CDC42BPA: variants seen among roughly 807,000 people sequenced by gnomAD.
CDC42BPA encodes serine/threonine-protein kinase MRCK alpha.
CDC42BPA carries 80 observed loss-of-function variants against 223.5 expected under a neutral mutation model. The observed-to-expected ratio is 0.36, with a 90% CI of 0.30 to 0.43. The LOEUF is 0.43. Ranked by LOEUF, CDC42BPA falls within the 20% of genes least tolerant of loss-of-function variation. The pLI, the probability that CDC42BPA is intolerant of heterozygous loss-of-function variation, is 1.00. For synonymous variants in CDC42BPA, 694 were observed against 718.6 expected (o/e 0.97, Z 0.55); for missense variants, 1,743 against 2,099.9 (o/e 0.83, Z 3.32).
At chr1:227,124,023 TAAATG>T (rs1689116674) in intron 11 of CDC42BPA, among the ~76,000 whole-genome samples, 1 of 152,098 alleles carries the variant, frequency 6.6e-6, no homozygotes, top group Admixed American at 6.5e-5. Flanking sequence ...ACAAAAATAT[TAAATG>T]AGGTATGAAT....
intron 1 of CDC42BPA, chr1:227,265,313 G>A: frequency 2.3e-6 from 1 of 444,110 alleles, no homozygotes; most frequent in Non-Finnish European, 4.2e-6. Context: ...TTCCCTACCT[G>A]TACAGGTACC....
At chr1:227,062,456 C>T (rs1442101991) in intron 21 of CDC42BPA, among the ~76,000 whole-genome samples, 2 of 152,144 alleles carry the variant, frequency 1.3e-5, no homozygotes, top group Non-Finnish European at 2.9e-5. Context: ...ATATTTCCCA[C>T]ATGGTGTTAT....
chr1:227,106,757 G>C (rs562059972), intron 14 of CDC42BPA, among the ~76,000 whole-genome samples: 1 of 152,240 alleles, frequency 6.6e-6, no homozygotes, highest in East Asian at 1.9e-4. Context: ...GTGTGATGCA[G>C]GTGACCAATT....
chr1:227,078,940 C>T (rs939720403), intron 17 of CDC42BPA, among the ~76,000 whole-genome samples: 14 of 152,028 alleles, frequency 9.2e-5, no homozygotes, highest in African/African-American at 1.4e-4. Flanking sequence ...TTAAGTATAA[C>T]GCAAACTTCC....
At chr1:227,238,364 C>CAAAT (rs1227987646) in intron 2 of CDC42BPA, among the ~76,000 whole-genome samples, 1 of 151,632 alleles carries the variant, frequency 6.6e-6, no homozygotes, top group Admixed American at 6.6e-5. Flanking sequence ...AACAAACAAA[C>CAAAT]AAACACGACA....
chr1:227,302,204 C>A (rs1234349528), intron 1 of CDC42BPA, among the ~76,000 whole-genome samples: 1 of 152,170 alleles, frequency 6.6e-6, no homozygotes, highest in African/African-American at 2.4e-5. Context: ...TTCATTCACT[C>A]CTTTACCTAG....
chr1:227,251,387 G>C (rs536161012), intron 2 of CDC42BPA, among the ~76,000 whole-genome samples: 2 of 152,170 alleles, frequency 1.3e-5, no homozygotes, highest in South Asian at 2.1e-4. Context: ...AGCAAGAAAT[G>C]AGAGAAAAAC....
At chr1:227,033,532 T>C in intron 26 of CDC42BPA, 117 bp from the exon 27 acceptor site, 1 of 635,132 alleles carries the variant, frequency 1.6e-6, no homozygotes, top group Non-Finnish European at 2.8e-6. Flanking sequence ...CCAAATTTAA[T>C]TTTTTAAAAA....
chr1:227,063,490 T>C (rs1676357338), intron 21 of CDC42BPA, among the ~76,000 whole-genome samples: 1 of 152,100 alleles, frequency 6.6e-6, no homozygotes, highest in African/African-American at 2.4e-5. Context: ...TCATGGTTCT[T>C]TCTCTTTAGA....
At chr1:227,000,333 G>A (rs1662556432) in intron 35 of CDC42BPA, among the ~76,000 whole-genome samples, 1 of 151,962 alleles carries the variant, frequency 6.6e-6, no homozygotes. Flanking sequence ...CTTAGATTAC[G>A]AGCTAATTGA....
chr1:227,271,414 T>C (rs1168999412), intron 1 of CDC42BPA, among the ~76,000 whole-genome samples: 2 of 152,130 alleles, frequency 1.3e-5, no homozygotes, highest in Non-Finnish European at 2.9e-5. Context: ...TGGCACATCA[T>C]TCCTATCATG....
chr1:227,145,091 C>T (rs576439572), intron 8 of CDC42BPA, among the ~76,000 whole-genome samples: 1 of 151,628 alleles, frequency 6.6e-6, no homozygotes, highest in Admixed American at 6.6e-5. Context: ...TATTTCTCTT[C>T]AATTGTTGTA....
chr1:227,284,962 C>A (rs1216101886), intron 1 of CDC42BPA, among the ~76,000 whole-genome samples: 54 of 130,238 alleles, frequency 4.1e-4, no homozygotes, highest in Middle Eastern at 4.1e-3. Context: ...GACCCCATCT[C>A]ACAAAAAAAA....
intron 23 of CDC42BPA, 111 bp from the exon 24 acceptor site, chr1:227,040,347 G>T: frequency 1.5e-6 from 1 of 648,156 alleles, no homozygotes; most frequent in South Asian, 1.9e-5. Flanking sequence ...GGAATAGAAT[G>T]AATTATTTCC....
intron 34 of CDC42BPA, among the ~76,000 whole-genome samples, chr1:227,011,613 A>G (rs961805615): frequency 2.6e-5 from 4 of 152,214 alleles, no homozygotes; most frequent in African/African-American, 9.6e-5. Context: ...TAAGCAGCCC[A>G]AGCTTATCTC....
Position 226,994,989 on chromosome 1 carries a change from C to T in CDC42BPA, c.4976-9G>A, listed in dbSNP as rs771030208. The T allele has an allele frequency of 7.5e-6, 12 of 1,608,414 alleles. No homozygotes were observed. Among genetic ancestry groups the T allele is most frequent in the Non-Finnish European group, 7.6e-6 (9 of 1,177,016 alleles). ...ATTCTGTGCGGATGACCCTACAGTACATCATGCAGGCAAAATTTTACATAT... is the reference window on the plus strand; with the variant it reads ...ATTCTGTGCGGATGACCCTACAGTATATCATGCAGGCAAAATTTTACATAT... On this transcript the variant is annotated splice_polypyrimidine_tract_variant and intron_variant, in intron 35 of 36. Coordinates refer to ENST00000366766, the MANE Select transcript of CDC42BPA (RefSeq NM_001394014.1). This position sits in a 1 kb window ranked among gnomAD's most constrained non-coding sequence, Gnocchi z 4.0.
rs145540185 is a variant in CDC42BPA at position 227,011,010 on chromosome 1, C to T, written c.4857+5070G>A. The T allele has an allele frequency of 9.0e-5, 123 of 1,360,180 alleles. 2 individuals carry two copies. In the East Asian group the frequency reaches 4.6e-3, roughly 51 times the overall value. The allele number at this position is 1,360,180 out of a possible 1,614,324, so 84.3% of individuals were successfully genotyped here. On this transcript the variant is annotated intron_variant, in intron 34 of 36. Coordinates refer to ENST00000366766, the MANE Select transcript of CDC42BPA (RefSeq NM_001394014.1). Reference sequence around the variant, plus strand: ...TGTGATAGATGTGTTCAAAGTTGATCGGAGAGGAGATCAGACCGGAGTGAT... The same window carrying T: ...TGTGATAGATGTGTTCAAAGTTGATTGGAGAGGAGATCAGACCGGAGTGAT...
intron 1 of CDC42BPA, among the ~76,000 whole-genome samples, chr1:227,255,832 A>G (rs1485250458): frequency 6.6e-6 from 1 of 152,184 alleles, no homozygotes. Context: ...GACATCCAGT[A>G]TTCTAGATTG....
intron 24 of CDC42BPA, 24 bp downstream of exon 24, chr1:227,040,107 A>G (rs1358796044): frequency 1.5e-6 from 2 of 1,345,344 alleles, no homozygotes; most frequent in Admixed American, 1.7e-5. Context: ...GTGAAGTCAC[A>G]TTTTCTTTCC....
Sources: allele counts gnomAD v4.1 joint callset (sites outside exome capture counted in the v4.1 genomes callset), GRCh38; gene constraint gnomAD v4.1.1; non-coding constraint Gnocchi (gnomAD v3.1); transcripts MANE v1.5; gene names NCBI Gene and HGNC (gene_info 2026-07-23, HGNC 2026-07-21).